C5: variants seen among roughly 807,000 people sequenced by gnomAD.
C5 encodes complement C5.
In C5, 140 loss-of-function variants were observed where a neutral mutation model predicts 218.8. That is an observed-to-expected ratio of 0.64 (90% confidence interval 0.56 to 0.74). The LOEUF (loss-of-function observed/expected upper bound fraction) is 0.74. C5 is among the 30% of genes least tolerant of loss of function. The pLI is 0.00. For synonymous variants in C5, 614 were observed against 682.3 expected (o/e 0.90, Z 1.56); for missense variants, 1,700 against 1,969.6 (o/e 0.86, Z 2.59).
chr9:120,968,988 T>C, intron 33 of C5, 73 bp downstream of exon 33: 1 of 1,288,326 alleles, frequency 7.8e-7, no homozygotes. Flanking sequence ...AATTTGAAAA[T>C]ATGTAAAGAA....
intron 2 of C5, among the ~76,000 whole-genome samples, chr9:121,043,700 C>CTTTTTTTTTTTTTT: frequency 1.7e-5 from 2 of 120,662 alleles, no homozygotes; most frequent in Non-Finnish European, 3.3e-5. Context: ...GTCCAGCTAA[C>CTTTTTTTTTTTTTT]TTTTTTTTTT....
At chr9:121,034,077 C>T (rs761406829) in intron 5 of C5, among the ~76,000 whole-genome samples, 6 of 152,046 alleles carry the variant, frequency 3.9e-5, no homozygotes, top group Admixed American at 1.3e-4. Context: ...CCTGCCACCA[C>T]GCCTGGCTTT....
intron 20 of C5, among the ~76,000 whole-genome samples, chr9:121,002,272 G>GTA (rs1361478311): frequency 9.6e-6 from 1 of 104,604 alleles, no homozygotes; most frequent in Non-Finnish European, 2.0e-5. Flanking sequence ...GTATATATAT[G>GTA]TATATATACG....
intron 30 of C5, among the ~76,000 whole-genome samples, chr9:120,973,128 A>G (rs2046927332): frequency 6.6e-6 from 1 of 152,184 alleles, no homozygotes; most frequent in South Asian, 2.1e-4. Context: ...ACACTCTTTC[A>G]TGGAACACAT....
Position 120,974,795 on chromosome 9 carries a change from A to G in C5, c.4001T>C (p.Leu1334Pro). The G allele has an allele frequency of 3.1e-6, 5 of 1,613,924 alleles. No homozygotes were observed. The highest frequency in any genetic ancestry group is 4.2e-6 in the Non-Finnish European group (5 of 1,179,770). ...HNYKMTDKNF[L>P]GRPVEVLLND... is the part of the protein sequence containing the mutation. ...TTCATTTACCTCTACTGGCCTCCCA[A>G]GGAAATTCTTGTCTGTCATTTTATA... Residue 1334 changes from leucine (L) to proline (P), a missense_variant, in exon 30 of 41, where the codon CTT becomes CCT. By Grantham distance (98) the Leu-to-Pro change is moderately conservative. Coordinates refer to ENST00000223642, the MANE Select transcript of C5 (RefSeq NM_001735.3).
chr9:121,025,334 A>G (rs2047410425), intron 9 of C5, 120 bp downstream of exon 9: 1 of 1,147,282 alleles, frequency 8.7e-7, no homozygotes, highest in Non-Finnish European at 1.2e-6. Flanking sequence ...TAACTATGAA[A>G]GAAAATACAA....
chr9:120,953,966 G>T, intron 39 of C5, 98 bp from the exon 40 acceptor site: 1 of 1,271,490 alleles, frequency 7.9e-7, no homozygotes, highest in Non-Finnish European at 1.1e-6. Flanking sequence ...CTATTGAGAG[G>T]TTCATGGCTA....
At chr9:121,066,690 C>CA in the C5 span, among the ~76,000 whole-genome samples, 1,132 of 143,998 alleles carry the variant, frequency 7.9e-3, 12 homozygotes, top group African/African-American at 0.027. Flanking sequence ...ACTAAAAATA[C>CA]AAAAAAAAAA....
chr9:120,965,406 G>T (rs759486316), intron 33 of C5, among the ~76,000 whole-genome samples: 1 of 152,004 alleles, frequency 6.6e-6, no homozygotes, highest in Non-Finnish European at 1.5e-5. Context: ...TGTAATCCCA[G>T]CTACTTAAGA....
chr9:121,016,218 T>C lies in C5; in HGVS notation c.1996+36A>G, dbSNP rs375255324. 7.4e-6 allele frequency: 12 copies of C among 1,612,910 alleles called. No individual in the cohort carries two copies. The African/African-American group carries it at 9.3e-5, about 13-fold the overall frequency. Reference sequence around the variant, plus strand: ...TGAGATCTGGGGGGCAAATGATCAATGGGATTTTCAGTAATAAACATGCTG... The same window carrying C: ...TGAGATCTGGGGGGCAAATGATCAACGGGATTTTCAGTAATAAACATGCTG... On this transcript the variant is annotated intron_variant, in intron 15 of 40. Coordinates refer to ENST00000223642, the MANE Select transcript of C5 (RefSeq NM_001735.3).
In C5 at chr9:121,043,104, T is replaced by C. The variant is rs368689969; in HGVS notation, c.321A>G (p.Val107=). 2.4e-5 allele frequency: 39 copies of C among 1,613,260 alleles called. No homozygotes were observed. Among genetic ancestry groups the C allele is most frequent in the Non-Finnish European group, 3.3e-5 (39 of 1,179,544 alleles). Residue 107 remains valine (V), a synonymous_variant, in exon 3 of 41, where the codon GTA becomes GTG. Transcript: ENST00000223642. ...NPVSYVYLEV[V]SKHFSKSKRM... is the part of the protein sequence containing the mutation. ...TTTTTGATTTTGAAAAATGCTTTGATACAACTTCCAAATACACATAAGAAA... is the reference window on the plus strand; with the variant it reads ...TTTTTGATTTTGAAAAATGCTTTGACACAACTTCCAAATACACATAAGAAA...
chr9:120,998,282 T>C (rs2047134394), intron 20 of C5, among the ~76,000 whole-genome samples: 1 of 152,200 alleles, frequency 6.6e-6, no homozygotes, highest in Non-Finnish European at 1.5e-5. Context: ...TGCAAACAGA[T>C]GTCTAGAAAA....
chr9:121,003,678 G>T (rs1449971621), intron 20 of C5, among the ~76,000 whole-genome samples: 1 of 152,104 alleles, frequency 6.6e-6, no homozygotes, highest in Non-Finnish European at 1.5e-5. Context: ...TGATAAAGGG[G>T]TAATAAAATT....
chr9:121,037,784 T>C (rs2047541209), intron 4 of C5, 97 bp downstream of exon 4: 2 of 597,048 alleles, frequency 3.3e-6, no homozygotes, highest in Non-Finnish European at 6.1e-6. Flanking sequence ...TTATGGAACA[T>C]TGAATGATTT....
At chr9:121,037,823 T>G in intron 4 of C5, 58 bp downstream of exon 4, 71 of 774,714 alleles carry the variant, frequency 9.2e-5, no homozygotes, top group Non-Finnish European at 1.2e-4. Flanking sequence ...GGTTATGAAA[T>G]GAGATTCTTG....
intron 31 of C5, among the ~76,000 whole-genome samples, chr9:120,970,791 G>A (rs574314509): frequency 2.6e-4 from 39 of 152,326 alleles, no homozygotes; most frequent in African/African-American, 7.5e-4. Flanking sequence ...AGATAAGAGC[G>A]TGATTAAAAT....
intron 38 of C5, among the ~76,000 whole-genome samples, chr9:120,959,264 CT>C (rs747502247): frequency 2.2e-4 from 16 of 73,290 alleles, no homozygotes; most frequent in African/African-American, 3.9e-4. Context: ...TTCTTTCTTT[CT>C]TTTTTTTTTT....
chr9:121,052,571 G>A (rs1054494247), upstream of C5, among the ~76,000 whole-genome samples: 64 of 151,492 alleles, frequency 4.2e-4, no homozygotes, highest in African/African-American at 1.4e-3. Context: ...ACTCAGATCT[G>A]GCAGAAAGTT....
chr9:121,036,428 A>G (rs886110070), intron 4 of C5, among the ~76,000 whole-genome samples: 1 of 152,176 alleles, frequency 6.6e-6, no homozygotes, highest in African/African-American at 2.4e-5. Context: ...TGCATCACTT[A>G]AGTTCAACCA....
Sources: gnomAD v4.1 joint callset for allele counts (sites outside exome capture counted in the v4.1 genomes callset) on GRCh38, gnomAD v4.1.1 for gene constraint, MANE v1.5 for transcripts, NCBI Gene and HGNC (gene_info 2026-07-23, HGNC 2026-07-21) for gene names.